Variants in NMU observed in about 807,000 individuals in gnomAD.
NMU encodes the protein neuromedin U, also known as neuromedin-U.
Under a neutral mutation model 35.4 loss-of-function variants are expected in NMU, and 29 were observed. The observed-to-expected ratio is 0.82, with a 90% CI of 0.61 to 1.12. The LOEUF is 1.12. NMU is among the 50% of genes most tolerant of loss of function. The pLI is 0.00. For missense variants in NMU, 199 were observed against 206.2 expected (o/e 0.97, Z 0.21); for synonymous variants, 78 against 81.3 (o/e 0.96, Z 0.22).
rs1003173286 is a variant in NMU at position 55,625,561 on chromosome 4, G to GA, written c.171+4840_171+4841insT. 2.0e-5 allele frequency among the ~76,000 whole-genome samples: 3 copies of GA among 151,918 alleles called. No individual in the cohort carries two copies. The East Asian group carries it at 5.8e-4, about 29-fold the overall frequency. Reference sequence around the variant, plus strand: ...TCTTATCTTTTCCCTTATGTATTTTGTTGCGGGTGACCTAGGTACAAAGGG... The same window carrying GA: ...TCTTATCTTTTCCCTTATGTATTTTGATTGCGGGTGACCTAGGTACAAAGGG... On this transcript the variant is annotated intron_variant, in intron 2 of 9. Transcript: ENST00000264218.
chr4:55,626,850 C>T (rs1233505823), intron 2 of NMU, among the ~76,000 whole-genome samples: 2 of 152,168 alleles, frequency 1.3e-5, no homozygotes, highest in Non-Finnish European at 2.9e-5. Flanking sequence ...TTTGAAGTTT[C>T]TTACGATTTA....
At chr4:55,600,020 T>C (rs1243188997) in intron 8 of NMU, among the ~76,000 whole-genome samples, 4 of 152,158 alleles carry the variant, frequency 2.6e-5, no homozygotes, top group Non-Finnish European at 5.9e-5. Flanking sequence ...TTTTGCAAAG[T>C]GTAGCTGCCT....
upstream of NMU, chr4:55,636,381 G>T: frequency 1.2e-6 from 1 of 869,144 alleles, no homozygotes; most frequent in Non-Finnish European, 1.6e-6. The surrounding 1 kb of genome is among the most constrained non-coding windows in gnomAD (Gnocchi z 4.0). Flanking sequence ...TCACCTCGCC[G>T]CCTGCCGCCC....
Position 55,597,182 on chromosome 4 carries a change from CA to C in NMU, c.*5-1772del, listed in dbSNP as rs201452606. ...TATAAATACAATTTACTTACAGTTT[CA>C]TTTTTTTATACTTTTTAAAAGTTTT... On this transcript the variant is annotated intron_variant, in intron 9 of 9. Coordinates refer to ENST00000264218, the MANE Select transcript of NMU (RefSeq NM_006681.4). 5.5e-3 allele frequency among the ~76,000 whole-genome samples: 828 copies of C among 151,924 alleles called. 11 individuals carry two copies. The highest frequency in any genetic ancestry group is 0.019 in the African/African-American group (783 of 41,510).
intron 8 of NMU, among the ~76,000 whole-genome samples, chr4:55,599,527 T>C (rs1733341924): frequency 1.3e-5 from 2 of 152,166 alleles, no homozygotes; most frequent in South Asian, 4.1e-4. Context: ...CTTACTGAAG[T>C]CAGGGCTGTT....
At chr4:55,604,567 C>T (rs1733596620) in intron 7 of NMU, among the ~76,000 whole-genome samples, 1 of 144,612 alleles carries the variant, frequency 6.9e-6, no homozygotes, top group African/African-American at 2.6e-5. Context: ...GAGTCTTGCT[C>T]TGTCACCCAA....
In NMU at chr4:55,599,193, T is replaced by C; in HGVS notation, c.490-12A>G. ...CTTCCATTCCGTGGCTGAAAAATAA[T>C]AGATTAGAAATAAATCAGTGTAACT... On this transcript the variant is annotated splice_polypyrimidine_tract_variant and intron_variant, in intron 8 of 9. Coordinates refer to ENST00000264218, the MANE Select transcript of NMU (RefSeq NM_006681.4). The C allele has an allele frequency of 6.3e-7, 1 of 1,599,518 alleles. No individual in the cohort carries two copies. Among genetic ancestry groups the C allele is most frequent in the South Asian group, 1.1e-5 (1 of 90,742 alleles).
intron 1 of NMU, among the ~76,000 whole-genome samples, chr4:55,631,043 A>C (rs1376894931): frequency 6.6e-6 from 1 of 152,120 alleles, no homozygotes; most frequent in African/African-American, 2.4e-5. Flanking sequence ...AAAACCAACT[A>C]TTCTTCAACA....
intron 9 of NMU, 147 bp downstream of exon 9, chr4:55,598,995 C>G: frequency 1.7e-6 from 1 of 604,638 alleles, no homozygotes; most frequent in East Asian, 3.0e-5. Flanking sequence ...ATGGAACATT[C>G]ATGTACATAT....
intron 2 of NMU, among the ~76,000 whole-genome samples, chr4:55,618,541 A>G (rs938333192): frequency 6.6e-6 from 1 of 152,146 alleles, no homozygotes; most frequent in African/African-American, 2.4e-5. Context: ...AAAATTAACT[A>G]TATGTTCCTA....
chr4:55,613,534 A>T (rs1734012802), intron 3 of NMU, among the ~76,000 whole-genome samples: 1 of 152,162 alleles, frequency 6.6e-6, no homozygotes, highest in South Asian at 2.1e-4. Flanking sequence ...GTTTATTATC[A>T]ATGTTTTGAG....
At chr4:55,625,092 G>A (rs1401538284) in intron 2 of NMU, among the ~76,000 whole-genome samples, 4 of 112,946 alleles carry the variant, frequency 3.5e-5, no homozygotes, top group Non-Finnish European at 5.3e-5. Context: ...TGGGTGCAGC[G>A]CACCAGCATG....
intron 7 of NMU, among the ~76,000 whole-genome samples, chr4:55,604,534 C>CTTT (rs199852859): frequency 1.5e-5 from 2 of 136,692 alleles, no homozygotes; most frequent in Non-Finnish European, 3.2e-5. Flanking sequence ...CAAACTCTTA[C>CTTT]TTTTTTTTTT....
intron 9 of NMU, among the ~76,000 whole-genome samples, chr4:55,598,097 T>G (rs1354892257): frequency 1.4e-5 from 2 of 144,590 alleles, no homozygotes; most frequent in Admixed American, 6.9e-5. Context: ...TGGTTTTTTT[T>G]TTTTTTTTTT....
At chr4:55,615,995 C>T (rs1215579787) in intron 3 of NMU, among the ~76,000 whole-genome samples, 1 of 152,180 alleles carries the variant, frequency 6.6e-6, no homozygotes, top group Non-Finnish European at 1.5e-5. Flanking sequence ...GTGATCCTCC[C>T]ACCTGGGCCT....
chr4:55,634,392 C>T (rs1020724462), intron 1 of NMU, among the ~76,000 whole-genome samples: 1 of 152,082 alleles, frequency 6.6e-6, no homozygotes, highest in African/African-American at 2.4e-5. Flanking sequence ...CATTCTTTTA[C>T]TTGAAAAATA....
chr4:55,596,364 T>TC (rs2110176383), intron 9 of NMU, among the ~76,000 whole-genome samples: 1 of 89,460 alleles, frequency 1.1e-5, no homozygotes, highest in African/African-American at 4.6e-5. Context: ...TTTTGGAGGT[T>TC]TTTTTTTTTT....
intron 2 of NMU, among the ~76,000 whole-genome samples, chr4:55,630,077 C>T (rs1267051185): frequency 6.6e-6 from 1 of 151,588 alleles, no homozygotes; most frequent in Non-Finnish European, 1.5e-5. Context: ...AAGTGTGATA[C>T]TGATAGACAA....
chr4:55,635,039 G>A (rs1715833040), intron 1 of NMU, among the ~76,000 whole-genome samples: 1 of 152,190 alleles, frequency 6.6e-6, no homozygotes, highest in Non-Finnish European at 1.5e-5. Context: ...CTGCAGTTGT[G>A]ATTTTAAGTA....
Sources: gnomAD v4.1 joint callset for allele counts (sites outside exome capture counted in the v4.1 genomes callset) on GRCh38, gnomAD v4.1.1 for gene constraint, Gnocchi (gnomAD v3.1) non-coding constraint, MANE v1.5 for transcripts, NCBI Gene and HGNC (gene_info 2026-07-23, HGNC 2026-07-21) for gene names.